ADAMTS14: variants seen among roughly 807,000 people sequenced by gnomAD.
ADAMTS14 encodes the protein ADAM metallopeptidase with thrombospondin type 1 motif 14.
Under a neutral mutation model 128.6 loss-of-function variants are expected in ADAMTS14, and 100 were observed. That is an observed-to-expected ratio of 0.78 (90% CI 0.66 to 0.92). The LOEUF (loss-of-function observed/expected upper bound fraction) is 0.92. Among genes scored for constraint, ADAMTS14 ranks in the 40% least tolerant of loss-of-function variants. The pLI is 0.00. For synonymous variants in ADAMTS14, 665 were observed against 653.8 expected, an observed-to-expected ratio of 1.02 and a Z score of -0.26; for missense variants, 1,562 against 1,658.6, an observed-to-expected ratio of 0.94 and a Z score of 1.01.
At chr10:70,683,100 C>T (rs1402994858) in intron 2 of ADAMTS14, among the ~76,000 whole-genome samples, 2 of 152,256 alleles carry the variant, frequency 1.3e-5, no homozygotes, top group African/African-American at 4.8e-5. Flanking sequence ...CCCTGGCAGG[C>T]CCTGCAGGCC....
At chr10:70,739,825 C>T (rs1454012259) in intron 11 of ADAMTS14, among the ~76,000 whole-genome samples, 1 of 152,182 alleles carries the variant, frequency 6.6e-6, no homozygotes, top group Non-Finnish European at 1.5e-5. Context: ...AAACTCACTG[C>T]CTATTGAAGC....
At chr10:70,742,003 G>A (rs760743690) in intron 12 of ADAMTS14, among the ~76,000 whole-genome samples, 1 of 152,172 alleles carries the variant, frequency 6.6e-6, no homozygotes, top group African/African-American at 2.4e-5. Flanking sequence ...CCATCAGGAC[G>A]GGCTTTCCTC....
rs755808207 is a variant in ADAMTS14 at position 70,738,982 on chromosome 10, C to T, written c.1740C>T (p.Asn580=). 4.4e-6 allele frequency: 7 copies of T among 1,607,670 alleles called. No individual in the cohort carries two copies. Among genetic ancestry groups the T allele is most frequent in the Middle Eastern group, 1.7e-4 (1 of 5,786 alleles). Residue 580 remains asparagine, a synonymous_variant, in exon 11 of 22, where the codon AAC becomes AAT. Transcript: ENST00000373207. ...GGVRSRSRSC[N]NPSPAYGGRL... ...TGCGATCCCGCAGCCGGAGCTGCAA[C>T]AACCCCTCGTGAGTGTGCTTGGCTA...
chr10:70,724,245 A>C lies in ADAMTS14; in HGVS notation c.871-5049A>C, dbSNP rs558758225. On this transcript the variant is annotated intron_variant, in intron 4 of 21. Transcript: ENST00000373207. ...AGGTCAATATGTGGTGCTGAATCCTAATGTAGGGGTCCTGGCAGAGGTACT... is the reference window on the plus strand; with the variant it reads ...AGGTCAATATGTGGTGCTGAATCCTCATGTAGGGGTCCTGGCAGAGGTACT... Among the ~76,000 whole-genome samples, 8 of 152,240 alleles carry C rather than the reference A, an allele frequency of 5.3e-5. No individual in the cohort carries two copies. In the South Asian group the frequency reaches 1.7e-3, roughly 32 times the overall value.
At chr10:70,751,787 G>A in intron 17 of ADAMTS14, 141 bp downstream of exon 17, 1 of 1,224,524 alleles carries the variant, frequency 8.2e-7, no homozygotes, top group East Asian at 2.6e-5. Context: ...CCAGTGTGTG[G>A]AAGCCCGTTT....
Position 70,753,861 on chromosome 10 carries a change from C to T in ADAMTS14, c.2791C>T (p.Arg931Trp), listed in dbSNP as rs200901270. The T allele has an allele frequency of 1.4e-5, 22 of 1,594,264 alleles. No individual in the cohort carries two copies. The highest frequency in any genetic ancestry group is 2.7e-5 in the African/African-American group (2 of 74,846). ...CTGTGGGAAGCTGGGGGTGCAGACA[C>T]GGGGGATACAGTGCCTGCTGCCCCT... is the stretch of plus-strand genomic sequence containing the variant. ...RSCGKLGVQTRGIQCLLPLSN... is the reference protein window; with the variant it reads ...RSCGKLGVQTWGIQCLLPLSN... The change falls in exon 19 of 22, where the codon CGG becomes TGG. Residue 931 changes from arginine (R) to tryptophan (W), a missense_variant. Arg to Trp is a moderately radical substitution (Grantham distance 101, BLOSUM62 -3). Transcript: ENST00000373207.
rs777259752 is a variant in ADAMTS14, at chr10:70,741,179, C to A, written c.1924+17C>A. 3.1e-6 allele frequency: 5 copies of A among 1,609,974 alleles called. No homozygotes were observed. Among genetic ancestry groups the A allele is most frequent in the South Asian group, 2.2e-5 (2 of 90,936 alleles). ...CTGACGATGGTGAGTGGGCCCCACCCCCCTCCCACTCCATGTCCTTAGGCA... is the reference window on the plus strand; with the variant it reads ...CTGACGATGGTGAGTGGGCCCCACCACCCTCCCACTCCATGTCCTTAGGCA... On this transcript the variant is annotated intron_variant, in intron 12 of 21. Coordinates refer to ENST00000373207, the MANE Select transcript of ADAMTS14 (RefSeq NM_080722.4).
chr10:70,741,299 A>G (rs1207692579), intron 12 of ADAMTS14, 137 bp downstream of exon 12: 4 of 1,058,534 alleles, frequency 3.8e-6, no homozygotes, highest in African/African-American at 3.2e-5. Context: ...GGGACACTGA[A>G]GTCAGCGGGC....
intron 2 of ADAMTS14, among the ~76,000 whole-genome samples, chr10:70,679,258 T>C (rs751777712): frequency 2.6e-5 from 4 of 152,068 alleles, no homozygotes; most frequent in African/African-American, 4.8e-5. Flanking sequence ...ACCCAGCCAG[T>C]CTTGAGGATG....
chr10:70,691,503 A>C (rs1840188056), intron 2 of ADAMTS14, among the ~76,000 whole-genome samples: 1 of 144,366 alleles, frequency 6.9e-6, no homozygotes, highest in African/African-American at 2.5e-5. Context: ...AAAAAAAAAA[A>C]AAAAAACAAA....
At chr10:70,717,710 G>A (rs1841103704) in intron 4 of ADAMTS14, among the ~76,000 whole-genome samples, 2 of 152,130 alleles carry the variant, frequency 1.3e-5, no homozygotes, top group African/African-American at 4.8e-5. Context: ...GAGACAGAGA[G>A]GCCCTTTCAT....
intron 2 of ADAMTS14, among the ~76,000 whole-genome samples, chr10:70,688,035 G>A (rs1251963283): frequency 3.4e-5 from 2 of 58,910 alleles, no homozygotes; most frequent in African/African-American, 6.6e-5. Flanking sequence ...CCCAGATGGG[G>A]TGGCTGCCGG....
At chr10:70,711,082 G>A (rs1274563025) in intron 4 of ADAMTS14, among the ~76,000 whole-genome samples, 2 of 152,252 alleles carry the variant, frequency 1.3e-5, no homozygotes, top group African/African-American at 4.8e-5. Flanking sequence ...TCTAGATGAA[G>A]ACAAAAGCGG....
At chr10:70,760,222 T>G in intron 21 of ADAMTS14, 138 bp from the exon 22 acceptor site, 100 of 1,166,708 alleles carry the variant, frequency 8.6e-5, no homozygotes, top group Non-Finnish European at 1.0e-4. Context: ...GCCCCCACCC[T>G]GAGAAAAAGC....
Position 70,760,839 on chromosome 10 carries a change from TC to T in ADAMTS14, c.3662del (p.Pro1221ArgfsTer2). Reference sequence around the variant, plus strand: ...TCCCGGCACCAGCCTCCCTGCTGCCTCCCCGGTGACATGAGCTGTGCCCTGC... The same window carrying T: ...TCCCGGCACCAGCCTCCCTGCTGCCTCCCGGTGACATGAGCTGTGCCCTGC... ...RHPGTSLPAA[S>X]PVT On this transcript the variant is annotated frameshift_variant, in exon 22 of 22. Coordinates refer to ENST00000373207, the MANE Select transcript of ADAMTS14 (RefSeq NM_080722.4). 1 of 1,574,854 alleles carries T rather than the reference TC, an allele frequency of 6.3e-7. No individual in the cohort carries two copies. The highest frequency in any genetic ancestry group is 8.6e-7 in the Non-Finnish European group (1 of 1,158,256).
At chr10:70,740,914 G>A (rs1841974847) in intron 11 of ADAMTS14, 73 bp from the exon 12 acceptor site, 2 of 1,494,714 alleles carry the variant, frequency 1.3e-6, no homozygotes, top group Non-Finnish European at 1.8e-6. Context: ...GCTCCTGGTG[G>A]CTGTGTGGGA....
chr10:70,733,548 C>T (rs78025663), intron 7 of ADAMTS14, among the ~76,000 whole-genome samples: 1 of 152,156 alleles, frequency 6.6e-6, no homozygotes, highest in Non-Finnish European at 1.5e-5. Flanking sequence ...GGAGGTGAGC[C>T]CACAGGTGAG....
intron 3 of ADAMTS14, among the ~76,000 whole-genome samples, chr10:70,705,997 A>G (rs1041681892): frequency 1.3e-5 from 2 of 152,188 alleles, no homozygotes; most frequent in Non-Finnish European, 2.9e-5. Context: ...TTTCAACTGT[A>G]TTTTCAAAGC....
chr10:70,722,162 C>G (rs7914626), intron 4 of ADAMTS14, among the ~76,000 whole-genome samples: 1 of 152,044 alleles, frequency 6.6e-6, no homozygotes, highest in Non-Finnish European at 1.5e-5. Flanking sequence ...GAGGAGCCTA[C>G]TGGACTCAAT....
Sources: allele counts gnomAD v4.1 joint callset (sites outside exome capture counted in the v4.1 genomes callset), GRCh38; gene constraint gnomAD v4.1.1; transcripts MANE v1.5; gene names NCBI Gene and HGNC (gene_info 2026-07-23, HGNC 2026-07-21).